PCLO: variants seen among roughly 807,000 people sequenced by gnomAD.
PCLO encodes protein piccolo.
PCLO carries 82 observed loss-of-function variants against 427.5 expected under a neutral mutation model. The ratio of observed to expected loss-of-function variants is 0.19; its 90% CI spans 0.16 to 0.23. The LOEUF (loss-of-function observed/expected upper bound fraction) is 0.23, where lower values mean the gene tolerates loss of function less well. Among genes scored for constraint, PCLO ranks in the 10% least tolerant of loss-of-function variants. The pLI is 1.00. For synonymous variants in PCLO, 2,357 were observed against 2,155.4 expected (o/e 1.09, Z -2.59); for missense variants, 6,239 against 6,115.9 (o/e 1.02, Z -0.67).
intron 10 of PCLO, chr7:82,868,107 C>A: frequency 4.4e-6 from 2 of 456,430 alleles, no homozygotes; most frequent in Non-Finnish European, 8.8e-6. Flanking sequence ...CAATCCGTAC[C>A]TGGTAATCCC....
At chr7:83,112,402 G>A (rs778933385) in intron 3 of PCLO, among the ~76,000 whole-genome samples, 5 of 152,004 alleles carry the variant, frequency 3.3e-5, no homozygotes, top group African/African-American at 7.3e-5. Context: ...TAACAATCTA[G>A]CTACTGGGTA....
At chr7:82,972,607 A>G in intron 3 of PCLO, among the ~76,000 whole-genome samples, 1 of 152,046 alleles carries the variant, frequency 6.6e-6, no homozygotes, top group East Asian at 1.9e-4. Context: ...TTAAAGGTCA[A>G]GTGAAGTGAT....
Position 82,923,297 on chromosome 7 carries a change from T to C in PCLO, c.11113-6424A>G, listed in dbSNP as rs1343318463. Among the ~76,000 whole-genome samples, 5 of 152,068 alleles carry C rather than the reference T, an allele frequency of 3.3e-5. No homozygotes were observed. The South Asian group carries it at 1.0e-3, about 31-fold the overall frequency. ...TATGAAGGATAATCTGGTTTCATTT[T>C]GGGCTAGTGATGCCTTAATTCCTGT... On this transcript the variant is annotated intron_variant, in intron 6 of 24. Transcript: ENST00000333891.
In PCLO at chr7:82,951,373, G is replaced by C. The variant is rs745760356; in HGVS notation, c.9215C>G (p.Pro3072Arg). The C allele has an allele frequency of 3.7e-6, 6 of 1,604,954 alleles. No individual in the cohort carries two copies. Among genetic ancestry groups the C allele is most frequent in the South Asian group, 1.1e-5 (1 of 89,434 alleles). ...QYSTARMTPP[P>R]GPQYCVGSVL... The stretch of plus-strand genomic sequence containing the variant: ...ACTCCCCACACAATACTGGGGTCCT[G>C]GTGGTGGTGTCATTCTTGCTGTGGA... The change falls in exon 6 of 25, where the codon CCA (proline) becomes CGA (arginine). Residue 3072 changes from proline (P) to arginine (R), a missense_variant. Coordinates refer to ENST00000333891, the MANE Select transcript of PCLO (RefSeq NM_033026.6).
intron 3 of PCLO, among the ~76,000 whole-genome samples, chr7:83,032,034 T>C (rs1008333679): frequency 1.3e-5 from 2 of 152,128 alleles, no homozygotes; most frequent in Non-Finnish European, 2.9e-5. Context: ...GTCTCAATAG[T>C]ATGAGGTTTT....
Position 82,913,369 on chromosome 7 carries a change from C to G in PCLO, c.13300+1317G>C, listed in dbSNP as rs190126962. ...AGATGTAGGAAAAAAATCCTTTTCA[C>G]AAAAATGTGTATTTTCCTGTGAGTC... On this transcript the variant is annotated intron_variant, in intron 7 of 24. Coordinates refer to ENST00000333891, the MANE Select transcript of PCLO (RefSeq NM_033026.6). 2.6e-5 allele frequency among the ~76,000 whole-genome samples: 4 copies of G among 152,098 alleles called. No individual in the cohort carries two copies. The East Asian group carries it at 7.7e-4, about 29-fold the overall frequency.
At position 82,954,212 on chromosome 7, in the gene PCLO, T is replaced by C; in HGVS notation, c.6741A>G (p.Leu2247=). The C allele has an allele frequency of 6.2e-7, 1 of 1,613,658 alleles. No individual in the cohort carries two copies. The highest frequency in any genetic ancestry group is 8.5e-7 in the Non-Finnish European group (1 of 1,179,714). Reference sequence around the variant, plus strand: ...TACCATCTGGTGGGGCAGTCCGATCTAAAGATACACTTATTTCTTCTGGAT... The same window carrying C: ...TACCATCTGGTGGGGCAGTCCGATCCAAAGATACACTTATTTCTTCTGGAT... ...IDYPEEISVS[L]DRTAPPDGRA... The change falls in exon 5 of 25, where the codon TTA becomes TTG. Residue 2247 remains leucine (L), a synonymous_variant. Coordinates refer to ENST00000333891, the MANE Select transcript of PCLO (RefSeq NM_033026.6).
chr7:82,918,165 T>A (rs1483206414), intron 6 of PCLO, among the ~76,000 whole-genome samples: 1 of 151,998 alleles, frequency 6.6e-6, no homozygotes, highest in African/African-American at 2.4e-5. Flanking sequence ...GGTAGTTTGT[T>A]TTTCCTCATA....
intron 3 of PCLO, among the ~76,000 whole-genome samples, chr7:83,089,708 T>A (rs1232516396): frequency 5.7e-4 from 86 of 152,176 alleles, no homozygotes; most frequent in Non-Finnish European, 5.9e-5. Context: ...AACCACTGGC[T>A]GGAGCAGGGG....
chr7:83,002,058 T>C (rs1160032318), intron 3 of PCLO, among the ~76,000 whole-genome samples: 4 of 152,102 alleles, frequency 2.6e-5, no homozygotes, highest in African/African-American at 9.6e-5. Flanking sequence ...TTTCTTGGGA[T>C]ACTTAGTTCC....
At chr7:83,040,704 T>C (rs952735134) in intron 3 of PCLO, among the ~76,000 whole-genome samples, 1 of 152,142 alleles carries the variant, frequency 6.6e-6, no homozygotes, top group Non-Finnish European at 1.5e-5. Context: ...TGAGAGTGTC[T>C]TTAGGCTGAA....
chr7:82,956,420 A>T lies in PCLO; in HGVS notation c.4533T>A (p.Asp1511Glu). The T allele has an allele frequency of 6.2e-7, 1 of 1,613,782 alleles. No homozygotes were observed. The highest frequency in any genetic ancestry group is 8.5e-7 in the Non-Finnish European group (1 of 1,179,848). Reference sequence around the variant, plus strand: ...CACTTTCACTACTCTCTTCAACTGAATCATAAGGCTCTCTTCTAGTAGTTA... The same window carrying T: ...CACTTTCACTACTCTCTTCAACTGATTCATAAGGCTCTCTTCTAGTAGTTA... ...DDITTRREPY[D>E]SVEESSESEN... Residue 1511 changes from aspartate to glutamate, a missense_variant, in exon 5 of 25, where the codon GAT (aspartate) becomes GAA (glutamate). This residue lies in a region of PCLO where 4,677 missense variants were observed against 4,468.4 expected (regional missense o/e 1.05). Coordinates refer to ENST00000333891, the MANE Select transcript of PCLO (RefSeq NM_033026.6).
chr7:83,001,104 T>C (rs1342200840), intron 3 of PCLO, among the ~76,000 whole-genome samples: 1 of 152,062 alleles, frequency 6.6e-6, no homozygotes, highest in African/African-American at 2.4e-5. Flanking sequence ...GTTTTGATAC[T>C]TGTTTGTTCT....
Position 82,862,566 on chromosome 7 carries a change from C to CAAAA in PCLO, c.13655-15323_13655-15320dup, listed in dbSNP as rs36075501. 1.6e-3 allele frequency among the ~76,000 whole-genome samples: 146 copies of CAAAA among 92,076 alleles called. 3 individuals carry two copies. Among genetic ancestry groups the CAAAA allele is most frequent in the Non-Finnish European group, 1.7e-3 (77 of 46,426 alleles). The allele number at this position is 92,076 out of a possible 152,430, so 60.4% of individuals were successfully genotyped here. On this transcript the variant is annotated intron_variant, in intron 10 of 24. Coordinates refer to ENST00000333891, the MANE Select transcript of PCLO (RefSeq NM_033026.6). ...AAGCAACCAGAGCAAGACTCTGCCT[C>CAAAA]AAAAAAAAAAAAAAAAAAAAAGAAT... is the stretch of plus-strand genomic sequence containing the variant.
rs146243297 is a variant in PCLO at position 82,937,049 on chromosome 7, A to G, written c.11112+12427T>C. On this transcript the variant is annotated intron_variant, in intron 6 of 24. Coordinates refer to ENST00000333891, the MANE Select transcript of PCLO (RefSeq NM_033026.6). ...TATAGGATTTTATTTTGGCATGATT[A>G]AAATGTTTTAGAACTAGATAGAGGT... is the stretch of plus-strand genomic sequence containing the variant. 9.6e-4 allele frequency among the ~76,000 whole-genome samples: 145 copies of G among 151,726 alleles called. 1 individual carries two copies. The East Asian group carries it at 0.027, about 29-fold the overall frequency.
chr7:82,997,885 T>C (rs1340864597), intron 3 of PCLO, among the ~76,000 whole-genome samples: 2 of 152,062 alleles, frequency 1.3e-5, no homozygotes, highest in African/African-American at 4.8e-5. Flanking sequence ...CACAATGTCA[T>C]TTAAAGATAC....
intron 6 of PCLO, among the ~76,000 whole-genome samples, chr7:82,939,468 T>C (rs1206816784): frequency 6.6e-6 from 1 of 151,902 alleles, no homozygotes; most frequent in Non-Finnish European, 1.5e-5. Flanking sequence ...TGTTCATTGA[T>C]TATCCCTTAG....
chr7:83,030,424 G>A (rs533703755), intron 3 of PCLO, among the ~76,000 whole-genome samples: 2 of 152,320 alleles, frequency 1.3e-5, no homozygotes, highest in South Asian at 4.1e-4. Flanking sequence ...GGTCAAGTTA[G>A]AACATCTTGA....
chr7:82,811,852 T>C (rs1216643443), intron 20 of PCLO, among the ~76,000 whole-genome samples: 1 of 151,350 alleles, frequency 6.6e-6, no homozygotes, highest in African/African-American at 2.4e-5. Context: ...GGCATGGAAG[T>C]TGAAGGAAGG....
Sources: allele counts gnomAD v4.1 joint callset (sites outside exome capture counted in the v4.1 genomes callset), GRCh38; gene constraint gnomAD v4.1.1; regional missense constraint gnomAD v4.1.1; transcripts MANE v1.5; gene names NCBI Gene and HGNC (gene_info 2026-07-23, HGNC 2026-07-21).